The following USP8 variants were observed in gnomAD, a reference collection of about 807,000 sequenced individuals.
USP8 encodes the protein ubiquitin carboxyl-terminal hydrolase 8.
USP8 carries 27 observed loss-of-function variants against 130.0 expected under a neutral mutation model. The observed-to-expected ratio is 0.21, with a 90% confidence interval of 0.15 to 0.29. The LOEUF (loss-of-function observed/expected upper bound fraction) is 0.29, where lower values mean the gene tolerates loss of function less well. Ranked by LOEUF, USP8 falls within the 10% of genes least tolerant of loss-of-function variation. The pLI is 1.00. For missense variants in USP8, 1,029 were observed against 1,312.2 expected (o/e 0.78, Z 3.33); for synonymous variants, 392 against 444.1 (o/e 0.88, Z 1.48).
intron 8 of USP8, among the ~76,000 whole-genome samples, chr15:50,473,475 T>C (rs1388575765): frequency 6.6e-6 from 1 of 152,096 alleles, no homozygotes; most frequent in Non-Finnish European, 1.5e-5. Context: ...AACTATATAT[T>C]TTTTAAATTT....
intron 7 of USP8, among the ~76,000 whole-genome samples, chr15:50,466,103 A>T (rs1595943386): frequency 6.6e-6 from 1 of 152,218 alleles, no homozygotes; most frequent in South Asian, 2.1e-4. Context: ...GCATAGTGGC[A>T]GAGCTAAACC....
intron 3 of USP8, chr15:50,444,690 T>C (rs1183757241): frequency 2.0e-5 from 3 of 152,198 alleles, no homozygotes; most frequent in Non-Finnish European, 4.4e-5. Context: ...TCATTTCCTG[T>C]TTTTCAGTAA....
At position 50,501,049 on chromosome 15, in the gene USP8, C is replaced by G; in HGVS notation, c.*1961C>G. On this transcript the variant is annotated 3_prime_UTR_variant, in exon 20 of 20. Transcript: ENST00000307179. ...CTTATATGTTGTGCCCATTGACTAT[C>G]ATCTGTGAATAAAGAAAGACAATAT... The G allele has an allele frequency of 2.0e-6, 1 of 498,588 alleles. No homozygotes were observed. Among genetic ancestry groups the G allele is most frequent in the Non-Finnish European group, 3.6e-6 (1 of 274,034 alleles). 30.9% of individuals were successfully genotyped at this position (498,588 alleles called of 1,614,324 possible).
intron 2 of USP8, among the ~76,000 whole-genome samples, chr15:50,440,387 G>C (rs756439563): frequency 2.6e-5 from 4 of 152,156 alleles, no homozygotes; most frequent in Admixed American, 6.6e-5. Flanking sequence ...TTCTGAAGTA[G>C]TGGAACCTAA....
chr15:50,462,696 C>T (rs1444697406), intron 6 of USP8, among the ~76,000 whole-genome samples: 11 of 152,098 alleles, frequency 7.2e-5, no homozygotes, highest in South Asian at 4.1e-4. Flanking sequence ...TCTCCCTTTC[C>T]GCCTGGTTTT....
chr15:50,441,969 CTT>C (rs1011150634), intron 3 of USP8, among the ~76,000 whole-genome samples: 1,049 of 81,408 alleles, frequency 0.013, 6 homozygotes, highest in African/African-American at 0.047. Context: ...CTCCCTAAAT[CTT>C]TTTTTTTTTT....
At chr15:50,487,361 G>GA (rs1555391234) in intron 12 of USP8, among the ~76,000 whole-genome samples, 1 of 142,934 alleles carries the variant, frequency 7.0e-6, no homozygotes, top group Non-Finnish European at 1.5e-5. Flanking sequence ...AAGAGAAAAT[G>GA]AAGAGAGAGA....
chr15:50,455,708 A>G (rs919849002), intron 4 of USP8, among the ~76,000 whole-genome samples: 4 of 152,132 alleles, frequency 2.6e-5, no homozygotes, highest in African/African-American at 9.7e-5. Context: ...TAGGCAGTTA[A>G]CTTGGCTATA....
At chr15:50,444,244 C>T (rs991600170) in intron 3 of USP8, among the ~76,000 whole-genome samples, 6 of 151,552 alleles carry the variant, frequency 4.0e-5, no homozygotes, top group Non-Finnish European at 8.8e-5. Context: ...GCTGGGATTA[C>T]AGGCACCCGC....
rs1445872865 is a variant in USP8 at position 50,508,207 on chromosome 15, T to A, written c.*9119T>A. On this transcript the variant is annotated 3_prime_UTR_variant, in exon 20 of 20. Transcript: ENST00000307179. ...TGGAAATTAAAAAAACACTTCTAAG[T>A]AACTTTATAAATAAATTATAAAAGT... The A allele has an allele frequency of 6.6e-6, 1 of 151,730 alleles. No individual in the cohort carries two copies. Among genetic ancestry groups the A allele is most frequent in the Non-Finnish European group, 1.5e-5 (1 of 67,970 alleles). The allele number at this position is 151,730 out of a possible 1,614,324, so 9.4% of individuals were successfully genotyped here. A position where few individuals can be genotyped will look rare whatever the true frequency, so the allele number is the denominator to read the frequency against.
chr15:50,456,509 G>C (rs1310892536), intron 4 of USP8, among the ~76,000 whole-genome samples: 1 of 151,062 alleles, frequency 6.6e-6, no homozygotes, highest in Non-Finnish European at 1.5e-5. Context: ...GAGATGCAGA[G>C]GTTTCAGTGA....
chr15:50,501,836 T>A lies in USP8; in HGVS notation c.*2748T>A, dbSNP rs982236840. 4 of 152,284 alleles carry A rather than the reference T, an allele frequency of 2.6e-5. No homozygotes were observed. Among genetic ancestry groups the A allele is most frequent in the Admixed American group, 6.5e-5 (1 of 15,292 alleles). The allele number at this position is 152,284 out of a possible 1,614,324, so 9.4% of individuals were successfully genotyped here. On this transcript the variant is annotated 3_prime_UTR_variant, in exon 20 of 20. Transcript: ENST00000307179. Reference sequence around the variant, plus strand: ...ATTAGCAACGGGTTTTAAATTTTTATATGGTTGGGGAAAAGATCCAAGTAA... The same window carrying A: ...ATTAGCAACGGGTTTTAAATTTTTAAATGGTTGGGGAAAAGATCCAAGTAA...
At position 50,504,568 on chromosome 15, in the gene USP8, G is replaced by C. The variant is rs1460459438; in HGVS notation, c.*5480G>C. ...ACCAGAAAAGACACCATTTTATATA[G>C]GGCCCTTGAGCATCTGTGGATTTTG... On this transcript the variant is annotated 3_prime_UTR_variant, in exon 20 of 20. Coordinates refer to ENST00000307179, the MANE Select transcript of USP8 (RefSeq NM_005154.5). 6.6e-6 allele frequency: 1 copy of C among 152,092 alleles called. No homozygotes were observed. Among genetic ancestry groups the C allele is most frequent in the African/African-American group, 2.4e-5 (1 of 41,428 alleles). The allele number at this position is 152,092 out of a possible 1,614,324, so 9.4% of individuals were successfully genotyped here.
intron 4 of USP8, among the ~76,000 whole-genome samples, chr15:50,456,684 G>A (rs879642649): frequency 5.3e-5 from 8 of 152,188 alleles, no homozygotes; most frequent in African/African-American, 1.9e-4. Context: ...CCAGGAGTTC[G>A]AGACCAGCCT....
Position 50,476,983 on chromosome 15 carries a change from G to A in USP8, c.984G>A (p.Val328=), listed in dbSNP as rs2051588123. The A allele has an allele frequency of 6.2e-7, 1 of 1,605,684 alleles. No homozygotes were observed. The highest frequency in any genetic ancestry group is 8.5e-7 in the Non-Finnish European group (1 of 1,178,430). Residue 328 remains valine (V), a synonymous_variant, in exon 9 of 20, where the codon GTG becomes GTA. Transcript: ENST00000307179. ...TPPPRRQNEE[V]SISLDFTYPS... ...CCCCACGACGCCAGAATGAAGAGGTGTCTATCTCATGTATGTATGTGAAAA... is the reference window on the plus strand; with the variant it reads ...CCCCACGACGCCAGAATGAAGAGGTATCTATCTCATGTATGTATGTGAAAA...
At chr15:50,450,114 C>T (rs947055078) in intron 4 of USP8, among the ~76,000 whole-genome samples, 19 of 151,814 alleles carry the variant, frequency 1.3e-4, no homozygotes, top group African/African-American at 3.1e-4. Context: ...AGGATGGTCT[C>T]GAGCTCCTGA....
intron 13 of USP8, among the ~76,000 whole-genome samples, 163 bp from the exon 14 acceptor site, chr15:50,490,100 G>A (rs1364067798): frequency 2.0e-5 from 3 of 152,038 alleles, no homozygotes; most frequent in East Asian, 1.9e-4. Context: ...TAGAAATAGT[G>A]TATTACTTTA....
rs1282416513 is a variant in USP8, at chr15:50,481,757, C to G, written c.1495C>G (p.Gln499Glu). Residue 499 changes from glutamine (Q) to glutamate (E), a missense_variant, in exon 11 of 20, where the codon CAA becomes GAA. Physicochemically the swap from Gln to Glu is conservative, Grantham distance 29. This residue lies in a region of USP8 where 486 missense variants were observed against 522.0 expected (regional missense o/e 0.93). Transcript: ENST00000307179. Reference protein sequence around the residue: ...EQKEKLRKEEQEQKAKKKQEA... With the variant: ...EQKEKLRKEEEEQKAKKKQEA... ...GAAAGAGAAACTGAGGAAGGAAGAA[C>G]AAGAACAAAAAGCCAAAAAGAAACA... is the stretch of plus-strand genomic sequence containing the variant. The G allele has an allele frequency of 3.2e-6, 5 of 1,586,398 alleles. No individual in the cohort carries two copies. Among genetic ancestry groups the G allele is most frequent in the Admixed American group, 3.7e-5 (2 of 54,582 alleles).
At chr15:50,455,259 T>C (rs1269895209) in intron 4 of USP8, among the ~76,000 whole-genome samples, 1 of 151,040 alleles carries the variant, frequency 6.6e-6, no homozygotes, top group Admixed American at 6.6e-5. Flanking sequence ...TGTGTTTTTT[T>C]GTAGAGACAG....
Sources: gnomAD v4.1 joint callset for allele counts (sites outside exome capture counted in the v4.1 genomes callset) on GRCh38, gnomAD v4.1.1 for gene constraint, gnomAD v4.1.1 regional missense constraint, MANE v1.5 for transcripts, NCBI Gene and HGNC (gene_info 2026-07-23, HGNC 2026-07-21) for gene names.